ANKRD31: variants seen among roughly 807,000 people sequenced by gnomAD.
ANKRD31 encodes ankyrin repeat domain-containing protein 31.
ANKRD31 carries 147 observed loss-of-function variants against 186.0 expected under a neutral mutation model. The ratio of observed to expected loss-of-function variants is 0.79; its 90% CI spans 0.69 to 0.91. ANKRD31 has a LOEUF of 0.91. Ranked by LOEUF, ANKRD31 falls within the 40% of genes least tolerant of loss-of-function variation. ANKRD31 has a pLI of 0.00. For missense variants in ANKRD31, 1,986 were observed against 2,148.8 expected, an observed-to-expected ratio of 0.92 and a Z score of 1.50; for synonymous variants, 673 against 736.4, an observed-to-expected ratio of 0.91 and a Z score of 1.39.
chr5:75,191,075 G>A (rs150685704), intron 9 of ANKRD31, among the ~76,000 whole-genome samples: 177 of 152,024 alleles, frequency 1.2e-3, no homozygotes, highest in African/African-American at 3.8e-3. Flanking sequence ...GAAACCAAGA[G>A]GATTTAAAAA....
At chr5:75,215,010 A>G (rs1036319360) in intron 3 of ANKRD31, among the ~76,000 whole-genome samples, 11 of 152,220 alleles carry the variant, frequency 7.2e-5, no homozygotes, top group Non-Finnish European at 1.3e-4. Flanking sequence ...GCAAATATGC[A>G]GTGTGACCTG....
intron 15 of ANKRD31, 116 bp downstream of exon 15, chr5:75,143,885 G>A (rs978326378): frequency 1.8e-5 from 7 of 392,414 alleles, no homozygotes; most frequent in African/African-American, 1.2e-4. Flanking sequence ...ATATAAGTCA[G>A]TGAATAACTA....
intron 3 of ANKRD31, among the ~76,000 whole-genome samples, chr5:75,213,782 A>T (rs377317945): frequency 5.3e-5 from 8 of 152,150 alleles, no homozygotes; most frequent in East Asian, 1.9e-4. Context: ...AAAGAAGCAA[A>T]TCTATTTCTA....
intron 12 of ANKRD31, among the ~76,000 whole-genome samples, chr5:75,153,223 T>C (rs573243088): frequency 6.6e-6 from 1 of 152,222 alleles, no homozygotes; most frequent in South Asian, 2.1e-4. Context: ...CTTCCTGTCC[T>C]AGTTGCAACT....
intron 7 of ANKRD31, 49 bp downstream of exon 7, chr5:75,195,582 T>C: frequency 1.4e-6 from 2 of 1,413,746 alleles, no homozygotes; most frequent in Non-Finnish European, 1.9e-6. Context: ...TCAGCTAACT[T>C]GGAACCATGT....
At chr5:75,157,204 C>T (rs898159678) in intron 11 of ANKRD31, among the ~76,000 whole-genome samples, 1 of 152,114 alleles carries the variant, frequency 6.6e-6, no homozygotes, top group African/African-American at 2.4e-5. Context: ...GCATTATTTG[C>T]AAGGGCTCAG....
In ANKRD31 at chr5:75,222,445, A is replaced by C. The variant is rs142406891; in HGVS notation, c.179-87T>G. 5.5e-6 allele frequency: 5 copies of C among 909,392 alleles called. No individual in the cohort carries two copies. The African/African-American group carries it at 8.5e-5, about 16-fold the overall frequency. The allele number at this position is 909,392 out of a possible 1,614,324, so 56.3% of individuals were successfully genotyped here. ...CCCAATAATTTTATACGCATGCAAA[A>C]TGTTATCAAGAATCATCTAGTATAT... is the stretch of plus-strand genomic sequence containing the variant. On this transcript the variant is annotated intron_variant, in intron 2 of 25. Transcript: ENST00000506364.
chr5:75,196,231 A>G (rs941496785), intron 6 of ANKRD31, 31 bp from the exon 7 acceptor site: 11 of 1,374,830 alleles, frequency 8.0e-6, no homozygotes, highest in Non-Finnish European at 8.5e-6. Flanking sequence ...TTACATCATT[A>G]CAGCATATAC....
intron 10 of ANKRD31, among the ~76,000 whole-genome samples, chr5:75,178,739 GTA>G (rs1443256650): frequency 5.9e-5 from 9 of 152,116 alleles, no homozygotes; most frequent in Admixed American, 5.2e-4. Context: ...AAAGCAGTGT[GTA>G]GAGGGAAATT....
intron 10 of ANKRD31, among the ~76,000 whole-genome samples, chr5:75,185,878 T>A (rs183667506): frequency 4.1e-4 from 62 of 151,950 alleles, no homozygotes; most frequent in Middle Eastern, 3.4e-3. Context: ...CCATTAAAAG[T>A]AAAAAATGGT....
chr5:75,176,242 G>C (rs990720115), intron 10 of ANKRD31, among the ~76,000 whole-genome samples: 1 of 152,186 alleles, frequency 6.6e-6, no homozygotes, highest in Non-Finnish European at 1.5e-5. Context: ...CAGGAAGCTC[G>C]AACTGGGTGG....
Position 75,199,646 on chromosome 5 carries a change from C to T in ANKRD31, c.432G>A (p.Leu144=). The change falls in exon 6 of 26, where the codon TTG becomes TTA. Residue 144 remains leucine (L), a synonymous_variant. Coordinates refer to ENST00000506364, the MANE Select transcript of ANKRD31 (RefSeq NM_001372053.1). Reference sequence around the variant, plus strand: ...ACAGACCAACCTTTTCTATGTGTGGCAAAACTTCAGGACTTTCAGCCTCTG... The same window carrying T: ...ACAGACCAACCTTTTCTATGTGTGGTAAAACTTCAGGACTTTCAGCCTCTG... ...EGPEAESPEV[L]PHIEKELSEG... 1 of 1,532,592 alleles carries T rather than the reference C, an allele frequency of 6.5e-7. No individual in the cohort carries two copies. Among genetic ancestry groups the T allele is most frequent in the Non-Finnish European group, 8.7e-7 (1 of 1,144,360 alleles). 94.9% of individuals were successfully genotyped at this position (1,532,592 alleles called of 1,614,324 possible).
At chr5:75,200,297 C>CTTTTT (rs373390533) in intron 5 of ANKRD31, among the ~76,000 whole-genome samples, 9 of 144,104 alleles carry the variant, frequency 6.2e-5, no homozygotes, top group East Asian at 2.1e-4. Flanking sequence ...TTCTTTCTTT[C>CTTTTT]TTTTTTTTTT....
chr5:75,146,651 A>C lies in ANKRD31; in HGVS notation c.2760T>G (p.Cys920Trp). 6.5e-7 allele frequency: 1 copy of C among 1,536,144 alleles called. No homozygotes were observed. Among genetic ancestry groups the C allele is most frequent in the Non-Finnish European group, 8.7e-7 (1 of 1,146,208 alleles). Reference sequence around the variant, plus strand: ...TATAGTGTTTTTTGCCACCTGTAGAACACAACACCTTTTTAGATGTTATAG... The same window carrying C: ...TATAGTGTTTTTTGCCACCTGTAGACCACAACACCTTTTTAGATGTTATAG... ...EKAITSKKVL[C>W]STGGKKHYNF... Residue 920 changes from cysteine (C) to tryptophan (W), a missense_variant, in exon 14 of 26, where the codon TGT (cysteine) becomes TGG (tryptophan). Transcript: ENST00000506364.
Position 75,105,088 on chromosome 5 carries a change from T to G in ANKRD31, c.4471A>C (p.Asn1491His). 1 of 1,537,106 alleles carries G rather than the reference T, an allele frequency of 6.5e-7. No homozygotes were observed. Among genetic ancestry groups the G allele is most frequent in the South Asian group, 1.2e-5 (1 of 84,034 alleles). The change falls in exon 22 of 26, where the codon AAT becomes CAT. Residue 1491 changes from asparagine to histidine, a missense_variant. Transcript: ENST00000506364. ...KISLKIQNCR[N>H]VTSLPCLSLR... ...CTAAGACAAGGCAATGATGTAACAT[T>G]CCTACAGTTTTGAATTTTCAGGCTT...
chr5:75,175,655 ACACACACACACACACACACACACATT>A (rs1252130023), intron 10 of ANKRD31, among the ~76,000 whole-genome samples: 1 of 149,590 alleles, frequency 6.7e-6, no homozygotes, highest in Non-Finnish European at 1.5e-5. Flanking sequence ...AAACACACAC[ACACACACACACACACACACACACATT>A]CACACACACC....
At position 75,104,541 on chromosome 5, in the gene ANKRD31, T is replaced by C; in HGVS notation, c.5018A>G (p.Lys1673Arg). The change falls in exon 22 of 26, where the codon AAA (lysine) becomes AGA (arginine). Residue 1673 changes from lysine (K) to arginine (R), a missense_variant. Coordinates refer to ENST00000506364, the MANE Select transcript of ANKRD31 (RefSeq NM_001372053.1). ...CDQDLSNYDP[K>R]RGNRKTSSQQ... ...GGAACTTGTTTTTCTGTTTCCTCTT[T>C]TGGGATCATAATTGGAAAGGTCCTG... 6.5e-7 allele frequency: 1 copy of C among 1,536,926 alleles called. No individual in the cohort carries two copies.
chr5:75,203,662 C>CAAAAA (rs112986947), intron 5 of ANKRD31, among the ~76,000 whole-genome samples: 3 of 99,010 alleles, frequency 3.0e-5, no homozygotes, highest in Admixed American at 1.1e-4. Context: ...GGATCCATCT[C>CAAAAA]AAAAAAAAAA....
chr5:75,187,110 T>TTTTGTG (rs367871687), intron 10 of ANKRD31, among the ~76,000 whole-genome samples: 2 of 116,254 alleles, frequency 1.7e-5, no homozygotes, highest in South Asian at 3.2e-4. Context: ...TGATTCTGTT[T>TTTTGTG]TGTGTGTGTG....
Sources: allele counts gnomAD v4.1 joint callset (sites outside exome capture counted in the v4.1 genomes callset), GRCh38; gene constraint gnomAD v4.1.1; transcripts MANE v1.5; gene names NCBI Gene and HGNC (gene_info 2026-07-23, HGNC 2026-07-21).